CDH4: variants seen among roughly 807,000 people sequenced by gnomAD.
The protein encoded by CDH4 is cadherin 4, also known as cadherin-4.
A neutral mutation model predicts 86.0 loss-of-function variants in CDH4; 33 were observed. The ratio of observed to expected loss-of-function variants is 0.38; its 90% CI spans 0.29 to 0.51. The LOEUF is 0.51. Among genes scored for constraint, CDH4 ranks in the 20% least tolerant of loss-of-function variants. CDH4 has a pLI of 0.86. For missense variants in CDH4, 1,114 were observed against 1,307.4 expected, an observed-to-expected ratio of 0.85 and a Z score of 2.28; for synonymous variants, 555 against 549.4, an observed-to-expected ratio of 1.01 and a Z score of -0.14.
chr20:61,810,737 C>T lies in CDH4; in HGVS notation c.577-33931C>T, dbSNP rs757514970. 6.6e-5 allele frequency among the ~76,000 whole-genome samples: 10 copies of T among 152,208 alleles called. No homozygotes were observed. The highest frequency in any genetic ancestry group is 1.2e-4 in the Non-Finnish European group (8 of 68,050). ...GATGACGTGTAGCCGCATTCAGGGT[C>T]TGGCTGCCAGGGCAGAACCAAGCAG... On this transcript the variant is annotated intron_variant, in intron 4 of 15. Transcript: ENST00000614565. The surrounding 1 kb of genome is among the most constrained non-coding windows in gnomAD (Gnocchi z 4.3).
chr20:61,330,643 G>A (rs1405985811), intron 2 of CDH4, among the ~76,000 whole-genome samples: 1 of 152,214 alleles, frequency 6.6e-6, no homozygotes, highest in Non-Finnish European at 1.5e-5. Context: ...GGCTGGCTGG[G>A]CACCGACATG....
Position 61,826,753 on chromosome 20 carries a change from T to G in CDH4, c.577-17915T>G, listed in dbSNP as rs373782302. Among the ~76,000 whole-genome samples the G allele has an allele frequency of 1.3e-4, 20 of 152,302 alleles. No homozygotes were observed. The South Asian group carries it at 3.3e-3, about 25-fold the overall frequency. On this transcript the variant is annotated intron_variant, in intron 4 of 15. Transcript: ENST00000614565. ...TTCGAGACCCGTTGATGGCCTAGGATAGCATTCACTCACCAGGCTGCCCAC... is the reference window on the plus strand; with the variant it reads ...TTCGAGACCCGTTGATGGCCTAGGAGAGCATTCACTCACCAGGCTGCCCAC...
chr20:61,755,829 C>T (rs2088558569), intron 3 of CDH4, among the ~76,000 whole-genome samples: 1 of 152,182 alleles, frequency 6.6e-6, no homozygotes, highest in African/African-American at 2.4e-5. Context: ...CCACACAGTA[C>T]ACACGTGCGG....
chr20:61,436,766 A>C (rs978296738), intron 2 of CDH4, among the ~76,000 whole-genome samples: 2 of 151,744 alleles, frequency 1.3e-5, no homozygotes, highest in African/African-American at 4.8e-5. Flanking sequence ...CAAGTCCCCA[A>C]CTCTCTGGTC....
intron 2 of CDH4, among the ~76,000 whole-genome samples, chr20:61,336,423 A>C (rs548786204): frequency 6.6e-6 from 1 of 151,874 alleles, no homozygotes; most frequent in Non-Finnish European, 1.5e-5. Context: ...CACCACAACC[A>C]CCACCACCAC....
At chr20:61,302,816 G>A (rs1219969924) in intron 2 of CDH4, among the ~76,000 whole-genome samples, 2 of 152,222 alleles carry the variant, frequency 1.3e-5, no homozygotes, top group Admixed American at 6.5e-5. Flanking sequence ...GAAGGATGCC[G>A]AGATGGGAGG....
Position 61,807,045 on chromosome 20 carries a change from A to G in CDH4, c.576+33863A>G, listed in dbSNP as rs1226413813. 1.3e-5 allele frequency among the ~76,000 whole-genome samples: 2 copies of G among 152,224 alleles called. No individual in the cohort carries two copies. Among genetic ancestry groups the G allele is most frequent in the Non-Finnish European group, 2.9e-5 (2 of 68,038 alleles). ...GCCCTCTAATAATGGGTTGCTAAGA[A>G]ACTGACACAGGAGATGATTTTGAAA... On this transcript the variant is annotated intron_variant, in intron 4 of 15. Transcript: ENST00000614565. The surrounding 1 kb of genome is among the most constrained non-coding windows in gnomAD (Gnocchi z 4.5).
rs918101054 is a variant in CDH4 at position 61,623,751 on chromosome 20, A to G, written c.170-119812A>G. Among the ~76,000 whole-genome samples, 2 of 152,120 alleles carry G rather than the reference A, an allele frequency of 1.3e-5. No individual in the cohort carries two copies. Among genetic ancestry groups the G allele is most frequent in the Non-Finnish European group, 2.9e-5 (2 of 68,026 alleles). On this transcript the variant is annotated intron_variant, in intron 2 of 15. Transcript: ENST00000614565. The surrounding 1 kb of genome is among the most constrained non-coding windows in gnomAD (Gnocchi z 4.4). ...CAAAGTATTTTTGCAATCAGAAAAT[A>G]AAAGGTACCCAGAATCTGAGCAGGA...
At chr20:61,862,453 G>A (rs1327905796) in intron 6 of CDH4, among the ~76,000 whole-genome samples, 1 of 152,222 alleles carries the variant, frequency 6.6e-6, no homozygotes, top group Non-Finnish European at 1.5e-5. Flanking sequence ...GGTCCTTGAT[G>A]GACAGGTGGG....
Position 61,518,655 on chromosome 20 carries a change from C to T in CDH4, c.170-224908C>T, listed in dbSNP as rs1386982104. Among the ~76,000 whole-genome samples, 1 of 151,940 alleles carries T rather than the reference C, an allele frequency of 6.6e-6. No homozygotes were observed. The highest frequency in any genetic ancestry group is 1.5e-5 in the Non-Finnish European group (1 of 67,988). On this transcript the variant is annotated intron_variant, in intron 2 of 15. Coordinates refer to ENST00000614565, the MANE Select transcript of CDH4 (RefSeq NM_001794.5). The surrounding 1 kb of genome is among the most constrained non-coding windows in gnomAD (Gnocchi z 6.3). ...CTAACCATTTATCCATCCATTCATC[C>T]TTCCATCTATCATCCTTTATTCATC...
At position 61,393,638 on chromosome 20, in the gene CDH4, T is replaced by A. The variant is rs1486913725; in HGVS notation, c.169+138701T>A. On this transcript the variant is annotated intron_variant, in intron 2 of 15. Transcript: ENST00000614565. The surrounding 1 kb of genome is among the most constrained non-coding windows in gnomAD (Gnocchi z 4.3). ...TGTTGAGTAACAGAGACCCAAAGCA[T>A]AGTGGTTGCAGCGAGGATCATCGAA... 6.6e-6 allele frequency among the ~76,000 whole-genome samples: 1 copy of A among 152,054 alleles called. No individual in the cohort carries two copies. The highest frequency in any genetic ancestry group is 1.5e-5 in the Non-Finnish European group (1 of 67,998).
chr20:61,900,430 C>A (rs1171218258), intron 8 of CDH4, among the ~76,000 whole-genome samples: 2 of 152,180 alleles, frequency 1.3e-5, no homozygotes, highest in African/African-American at 4.8e-5. Context: ...GAGCTCCCAC[C>A]CACCCGACAT....
intron 3 of CDH4, among the ~76,000 whole-genome samples, chr20:61,756,557 T>G (rs1417054424): frequency 5.9e-5 from 1 of 17,072 alleles, no homozygotes; most frequent in Non-Finnish European, 1.1e-4. Context: ...GGACCCTCCC[T>G]CATCCCCGGG....
At chr20:61,488,316 C>T (rs916701293) in intron 2 of CDH4, among the ~76,000 whole-genome samples, 4 of 152,198 alleles carry the variant, frequency 2.6e-5, no homozygotes, top group South Asian at 2.1e-4. Flanking sequence ...GCCTTTTTAA[C>T]GGAACAGAAC....
At chr20:61,917,396 C>A (rs2054915013) in intron 9 of CDH4, among the ~76,000 whole-genome samples, 1 of 152,244 alleles carries the variant, frequency 6.6e-6, no homozygotes, top group Non-Finnish European at 1.5e-5. Context: ...CTCGTCTTAC[C>A]CATGGCCCTC....
At chr20:61,532,935 C>T (rs565742423) in intron 2 of CDH4, among the ~76,000 whole-genome samples, 4 of 152,258 alleles carry the variant, frequency 2.6e-5, no homozygotes, top group Admixed American at 6.5e-5. Flanking sequence ...AATCAAGGTA[C>T]GGGCCGGGGC....
chr20:61,916,776 A>G (rs1230957571), intron 9 of CDH4, among the ~76,000 whole-genome samples: 2 of 152,238 alleles, frequency 1.3e-5, no homozygotes, highest in Non-Finnish European at 2.9e-5. Flanking sequence ...GGAATCAGTG[A>G]AATATTTTGT....
At chr20:61,761,526 C>T (rs1407421071) in intron 3 of CDH4, among the ~76,000 whole-genome samples, 2 of 152,088 alleles carry the variant, frequency 1.3e-5, no homozygotes, top group Non-Finnish European at 2.9e-5. Context: ...TTTACCCAAA[C>T]ATTAGAACGT....
chr20:61,749,938 G>C (rs1428093948), intron 3 of CDH4, among the ~76,000 whole-genome samples: 1 of 152,158 alleles, frequency 6.6e-6, no homozygotes, highest in Non-Finnish European at 1.5e-5. Context: ...GCACGCCCCT[G>C]TAATCCCAGC....
Sources: allele counts gnomAD v4.1 joint callset (sites outside exome capture counted in the v4.1 genomes callset), GRCh38; gene constraint gnomAD v4.1.1; non-coding constraint Gnocchi (gnomAD v3.1); transcripts MANE v1.5; gene names NCBI Gene and HGNC (gene_info 2026-07-23, HGNC 2026-07-21).